Variants in PCDHGB4 observed in about 807,000 individuals in gnomAD.
PCDHGB4 encodes protocadherin gamma-B4.
A neutral mutation model predicts 60.5 loss-of-function variants in PCDHGB4; 38 were observed. That is an observed-to-expected ratio of 0.63 (90% CI 0.48 to 0.82). The LOEUF is 0.82. PCDHGB4 is among the 40% of genes least tolerant of loss of function. The pLI, the probability that PCDHGB4 is intolerant of heterozygous loss-of-function variation, is 0.00. For missense variants in PCDHGB4, 1,109 were observed against 1,209.6 expected, an observed-to-expected ratio of 0.92 and a Z score of 1.23; for synonymous variants, 456 against 509.7, an observed-to-expected ratio of 0.89 and a Z score of 1.42.
At chr5:141,400,441 G>T (rs757449650) in intron 1 of PCDHGB4, 29 of 1,613,966 alleles carry the variant, frequency 1.8e-5, no homozygotes, top group Non-Finnish European at 2.1e-5. Flanking sequence ...ATTGAGTTCA[G>T]GACAAGACAT....
At chr5:141,433,767 G>A (rs1237334342) in intron 1 of PCDHGB4, among the ~76,000 whole-genome samples, 1 of 151,532 alleles carries the variant, frequency 6.6e-6, no homozygotes, top group East Asian at 1.9e-4. Flanking sequence ...AACCTGGGAG[G>A]TGGAGGTTGC....
At position 141,485,257 on chromosome 5, in the gene PCDHGB4, T is replaced by G. The variant is rs1251686604; in HGVS notation, c.2398-9550T>G. 1.9e-6 allele frequency: 3 copies of G among 1,614,036 alleles called. No homozygotes were observed. The highest frequency in any genetic ancestry group is 2.5e-6 in the Non-Finnish European group (3 of 1,180,006). ...TCTTTTACCACCTGGGTTACGTTTG[T>G]GGGCAGATCCGCTACCCGGTCCCAG... On this transcript the variant is annotated intron_variant, in intron 1 of 3. Coordinates refer to ENST00000519479, the MANE Select transcript of PCDHGB4 (RefSeq NM_003736.4). The surrounding 1 kb of genome is among the most constrained non-coding windows in gnomAD (Gnocchi z 5.7).
At chr5:141,409,436 C>G (rs368696166) in intron 1 of PCDHGB4, 2 of 1,613,982 alleles carry the variant, frequency 1.2e-6, no homozygotes, top group Non-Finnish European at 1.7e-6. Flanking sequence ...AGCCCTGGAC[C>G]GAGAGCAGAC....
At chr5:141,444,125 C>A (rs1459174213) in intron 1 of PCDHGB4, among the ~76,000 whole-genome samples, 2 of 130,784 alleles carry the variant, frequency 1.5e-5, no homozygotes, top group African/African-American at 5.7e-5. Flanking sequence ...AGTATCTCAA[C>A]AGATATGTGT....
chr5:141,402,996 T>G, intron 1 of PCDHGB4: 3 of 1,613,890 alleles, frequency 1.9e-6, no homozygotes, highest in Non-Finnish European at 1.7e-6. Context: ...AGATTAGTCC[T>G]GCTATGCTCG....
intron 1 of PCDHGB4, among the ~76,000 whole-genome samples, chr5:141,402,286 C>T (rs2094248272): frequency 6.6e-6 from 1 of 151,638 alleles, no homozygotes; most frequent in Non-Finnish European, 1.5e-5. Flanking sequence ...ATAATCTATC[C>T]TTATATATGT....
chr5:141,410,847 GTC>G (rs2095431261), intron 1 of PCDHGB4: 6 of 158,244 alleles, frequency 3.8e-5, no homozygotes, highest in Admixed American at 8.9e-5. Context: ...TTTTGTCTTT[GTC>G]TTTTTTTTTT....
At chr5:141,415,650 A>G in intron 1 of PCDHGB4, 1 of 1,597,054 alleles carries the variant, frequency 6.3e-7, no homozygotes, top group Non-Finnish European at 8.5e-7. Context: ...TTAAAAAAAA[A>G]AAGATTGGTT....
rs768510925 is a variant in PCDHGB4 at position 141,394,047 on chromosome 5, C to T, written c.2397+3766C>T. On this transcript the variant is annotated intron_variant, in intron 1 of 3. Coordinates refer to ENST00000519479, the MANE Select transcript of PCDHGB4 (RefSeq NM_003736.4). Reference sequence around the variant, plus strand: ...ATTAGTGACAAGGAAATATTTGGACCGAGAAAATGTCTCTATCTACAATAT... The same window carrying T: ...ATTAGTGACAAGGAAATATTTGGACTGAGAAAATGTCTCTATCTACAATAT... The T allele has an allele frequency of 5.6e-6, 9 of 1,613,438 alleles. No homozygotes were observed. The Admixed American group carries it at 1.5e-4, about 27-fold the overall frequency.
chr5:141,498,703 G>A (rs961006063), intron 2 of PCDHGB4, among the ~76,000 whole-genome samples: 7 of 152,228 alleles, frequency 4.6e-5, no homozygotes, highest in Non-Finnish European at 8.8e-5. Flanking sequence ...AGGCTGAGGT[G>A]GGTGGATCAC....
At chr5:141,456,949 C>A (rs1277351419) in intron 1 of PCDHGB4, among the ~76,000 whole-genome samples, 2 of 152,080 alleles carry the variant, frequency 1.3e-5, no homozygotes, top group East Asian at 3.9e-4. Flanking sequence ...GGCAACAGAG[C>A]AAAACTCCAT....
chr5:141,490,088 ACCACAC>A lies in PCDHGB4; in HGVS notation c.2398-4718_2398-4713del. On this transcript the variant is annotated intron_variant, in intron 1 of 3. Transcript: ENST00000519479. The surrounding 1 kb of genome is among the most constrained non-coding windows in gnomAD (Gnocchi z 5.4). The stretch of plus-strand genomic sequence containing the variant: ...GGCCAACTAGACTATTCTTTTGGAG[ACCACAC>A]ATCTGAGGCAGTGCGGAACCTCTTT... The A allele has an allele frequency of 6.2e-7, 1 of 1,614,190 alleles. No homozygotes were observed. Among genetic ancestry groups the A allele is most frequent in the Non-Finnish European group, 8.5e-7 (1 of 1,180,004 alleles).
chr5:141,497,986 G>T (rs1404550601), intron 2 of PCDHGB4, among the ~76,000 whole-genome samples: 1 of 152,176 alleles, frequency 6.6e-6, no homozygotes, highest in Non-Finnish European at 1.5e-5. Context: ...GGAGGCCCCT[G>T]CCCTCAAGGA....
intron 1 of PCDHGB4, among the ~76,000 whole-genome samples, chr5:141,439,689 A>G (rs1193986599): frequency 6.6e-6 from 1 of 152,218 alleles, no homozygotes; most frequent in Non-Finnish European, 1.5e-5. Flanking sequence ...CAGACCCACA[A>G]CATTCCTATT....
chr5:141,508,826 C>T (rs2099872187), intron 3 of PCDHGB4, among the ~76,000 whole-genome samples: 1 of 152,092 alleles, frequency 6.6e-6, no homozygotes, highest in South Asian at 2.1e-4. Context: ...AGATCTGGGC[C>T]CCCCTCCCCT....
intron 1 of PCDHGB4, chr5:141,413,618 A>G (rs1188549125): frequency 6.2e-7 from 1 of 1,613,916 alleles, no homozygotes; most frequent in Non-Finnish European, 8.5e-7. Context: ...AAAATTAATG[A>G]AAATGTCGCT....
At chr5:141,474,117 A>C (rs748431734) in intron 1 of PCDHGB4, among the ~76,000 whole-genome samples, 11 of 152,186 alleles carry the variant, frequency 7.2e-5, no homozygotes, top group Non-Finnish European at 1.2e-4. Context: ...ACAACAACGA[A>C]AATCTCAGAA....
chr5:141,398,344 C>T (rs901692894), intron 1 of PCDHGB4: 2 of 1,372,186 alleles, frequency 1.5e-6, no homozygotes, highest in Non-Finnish European at 2.0e-6. Context: ...TTCGGAGAAG[C>T]CTTACTTCAC....
intron 1 of PCDHGB4, among the ~76,000 whole-genome samples, chr5:141,481,126 A>G (rs2099532217): frequency 6.6e-6 from 1 of 152,222 alleles, no homozygotes. Context: ...CATTTAGCAT[A>G]TTTGTGAAGT....
Sources: allele counts gnomAD v4.1 joint callset (sites outside exome capture counted in the v4.1 genomes callset), GRCh38; gene constraint gnomAD v4.1.1; non-coding constraint Gnocchi (gnomAD v3.1); transcripts MANE v1.5; gene names NCBI Gene and HGNC (gene_info 2026-07-23, HGNC 2026-07-21).